HID1: variants seen among roughly 807,000 people sequenced by gnomAD.
The protein encoded by HID1 is protein HID1.
HID1 carries 42 observed loss-of-function variants against 89.7 expected under a neutral mutation model. That is an observed-to-expected ratio of 0.47 (90% CI 0.37 to 0.61). The LOEUF (loss-of-function observed/expected upper bound fraction) is 0.61. Ranked by LOEUF, HID1 falls within the 20% of genes least tolerant of loss-of-function variation. The pLI, the probability that HID1 is intolerant of heterozygous loss-of-function variation, is 0.00. For synonymous variants in HID1, 442 were observed against 433.8 expected (o/e 1.02, Z -0.24); for missense variants, 854 against 1,039.3 (o/e 0.82, Z 2.45).
At chr17:74,963,672 G>A in intron 3 of HID1, 68 bp downstream of exon 3, 3 of 1,443,202 alleles carry the variant, frequency 2.1e-6, no homozygotes, top group Non-Finnish European at 2.8e-6. Flanking sequence ...AGCATGGCCG[G>A]CCCTAAAGGG....
In HID1 at chr17:74,972,292, C is replaced by A. The variant is rs900931603; in HGVS notation, c.66+299G>T. ...AAGCTGGGGACGCCGCGGGGCGGGACAGGGGGCGGACAGCTGTGTCGCCGG... is the reference window on the plus strand; with the variant it reads ...AAGCTGGGGACGCCGCGGGGCGGGAAAGGGGGCGGACAGCTGTGTCGCCGG... On this transcript the variant is annotated intron_variant, in intron 1 of 18. Coordinates refer to ENST00000425042, the MANE Select transcript of HID1 (RefSeq NM_030630.3). This position sits in a 1 kb window ranked among gnomAD's most constrained non-coding sequence, Gnocchi z 6.4. 1.3e-5 allele frequency among the ~76,000 whole-genome samples: 2 copies of A among 151,506 alleles called. No individual in the cohort carries two copies. The highest frequency in any genetic ancestry group is 4.9e-5 in the African/African-American group (2 of 41,174).
intron 1 of HID1, among the ~76,000 whole-genome samples, chr17:74,968,685 G>A (rs954608112): frequency 6.6e-6 from 1 of 152,178 alleles, no homozygotes; most frequent in African/African-American, 2.4e-5. Context: ...GTGGCCTGGA[G>A]CCAGGATGGG....
chr17:74,962,209 G>A lies in HID1; in HGVS notation c.611+25C>T. The stretch of plus-strand genomic sequence containing the variant: ...CGGCCCGGGGTCCAGCTGCATTGAG[G>A]GCTCCGGGCCTGGGCGAAGCTCACC... On this transcript the variant is annotated intron_variant, in intron 5 of 18. Coordinates refer to ENST00000425042, the MANE Select transcript of HID1 (RefSeq NM_030630.3). This position sits in a 1 kb window ranked among gnomAD's most constrained non-coding sequence, Gnocchi z 4.3. 6.4e-7 allele frequency: 1 copy of A among 1,573,154 alleles called. No homozygotes were observed. The highest frequency in any genetic ancestry group is 8.7e-7 in the Non-Finnish European group (1 of 1,148,596).
chr17:74,951,894 C>T lies in HID1; in HGVS notation c.2303+11G>A. 2.0e-6 allele frequency: 3 copies of T among 1,507,148 alleles called. No homozygotes were observed. Among genetic ancestry groups the T allele is most frequent in the Non-Finnish European group, 2.7e-6 (3 of 1,124,970 alleles). The allele number at this position is 1,507,148 out of a possible 1,614,324, so 93.4% of individuals were successfully genotyped here. A position where few individuals can be genotyped will look rare whatever the true frequency, so the allele number is the denominator to read the frequency against. ...TCTCAGGTGGACACCACCCCACTCC[C>T]CGGGGCCCACCTCAGATAGATGACG... On this transcript the variant is annotated intron_variant, in intron 18 of 18. Coordinates refer to ENST00000425042, the MANE Select transcript of HID1 (RefSeq NM_030630.3).
chr17:74,955,187 G>T (rs923213875), intron 13 of HID1, among the ~76,000 whole-genome samples: 4 of 152,194 alleles, frequency 2.6e-5, no homozygotes, highest in Non-Finnish European at 5.9e-5. Context: ...CCGGATGTCT[G>T]TGACACTGGG....
intron 12 of HID1, among the ~76,000 whole-genome samples, chr17:74,957,451 T>A (rs941862526): frequency 2.0e-5 from 3 of 151,732 alleles, no homozygotes; most frequent in Non-Finnish European, 4.4e-5. Context: ...CACTCTAGCC[T>A]GAGCAACAGA....
chr17:74,959,027 T>C lies in HID1; in HGVS notation c.1033A>G (p.Ile345Val), dbSNP rs751491363. ...AGGGGGTTGGACAGCAGCCGGGCTA[T>C]ACCCTTGAGGATGAACTGGAAGTCC... ...EEDFQFILKG[I>V]ARLLSNPLLQ... The change falls in exon 9 of 19, where the codon ATA becomes GTA. Residue 345 changes from isoleucine (I) to valine (V), a missense_variant. Transcript: ENST00000425042. The surrounding 1 kb of genome is among the most constrained non-coding windows in gnomAD (Gnocchi z 4.6). 6.3e-7 allele frequency: 1 copy of C among 1,583,840 alleles called. No individual in the cohort carries two copies. The highest frequency in any genetic ancestry group is 1.2e-5 in the South Asian group (1 of 86,722).
chr17:74,953,174 T>C (rs1301318367), intron 15 of HID1, 88 bp from the exon 16 acceptor site: 3 of 1,137,090 alleles, frequency 2.6e-6, no homozygotes, highest in Non-Finnish European at 3.7e-6. Context: ...CACTGGCAGC[T>C]GGAAATCCCA....
At chr17:74,954,480 G>T in intron 13 of HID1, 115 bp from the exon 14 acceptor site, 1 of 1,524,458 alleles carries the variant, frequency 6.6e-7, no homozygotes, top group South Asian at 1.2e-5. Context: ...TCTGCCCAAG[G>T]GGTTGGAGAT....
At chr17:74,966,736 G>C (rs1479954251) in intron 1 of HID1, among the ~76,000 whole-genome samples, 1 of 151,748 alleles carries the variant, frequency 6.6e-6, no homozygotes, top group Non-Finnish European at 1.5e-5. Context: ...AATTGCTTGA[G>C]CCCAGGAGTT....
intron 6 of HID1, 114 bp from the exon 7 acceptor site, chr17:74,960,362 C>T (rs966422472): frequency 1.8e-5 from 16 of 873,416 alleles, no homozygotes; most frequent in Admixed American, 7.6e-5. Flanking sequence ...TTTAGCACCA[C>T]GTCAGGGAGT....
chr17:74,955,455 C>T (rs1011315051), intron 13 of HID1, among the ~76,000 whole-genome samples: 8 of 151,926 alleles, frequency 5.3e-5, no homozygotes, highest in African/African-American at 1.7e-4. Context: ...GAGCCAAGAT[C>T]GCGCCACTGC....
intron 6 of HID1, among the ~76,000 whole-genome samples, chr17:74,961,229 A>T (rs2039475035): frequency 1.3e-5 from 2 of 152,114 alleles, no homozygotes; most frequent in South Asian, 4.1e-4. Context: ...AGTTTGGGGT[A>T]TATTGGGTTA....
Position 74,958,661 on chromosome 17 carries a change from C to T in HID1, c.1240+12G>A, listed in dbSNP as rs2039431775. On this transcript the variant is annotated intron_variant, in intron 10 of 18. Coordinates refer to ENST00000425042, the MANE Select transcript of HID1 (RefSeq NM_030630.3). The surrounding 1 kb of genome is among the most constrained non-coding windows in gnomAD (Gnocchi z 5.2). ...GAAAGCCCCCAGCATCCCACCCCCA[C>T]CCTGGTCTTACACTGATCGGCCCGG... is the stretch of plus-strand genomic sequence containing the variant. 1.3e-6 allele frequency: 2 copies of T among 1,590,722 alleles called. No homozygotes were observed. Among genetic ancestry groups the T allele is most frequent in the Non-Finnish European group, 1.7e-6 (2 of 1,159,936 alleles).
chr17:74,960,302 G>C (rs2039460133), intron 6 of HID1, 54 bp from the exon 7 acceptor site: 2 of 1,483,300 alleles, frequency 1.3e-6, no homozygotes, highest in South Asian at 2.4e-5. Context: ...CCAGCCCCCT[G>C]GCCACACCTC....
Position 74,962,288 on chromosome 17 carries a change from G to C in HID1, c.557C>G (p.Ala186Gly), listed in dbSNP as rs576317687. 1 of 1,612,578 alleles carries C rather than the reference G, an allele frequency of 6.2e-7. No individual in the cohort carries two copies. Among genetic ancestry groups the C allele is most frequent in the Admixed American group, 1.7e-5 (1 of 59,946 alleles). ...SLDSCEYIWE[A>G]GVGFAHSPQP... Reference sequence around the variant, plus strand: ...GGGGGAGTGAGCGAAGCCCACACCAGCCTCCCAGATGTATTCACAGCTGTC... The same window carrying C: ...GGGGGAGTGAGCGAAGCCCACACCACCCTCCCAGATGTATTCACAGCTGTC... The change falls in exon 5 of 19, where the codon GCT (alanine) becomes GGT (glycine). Residue 186 changes from alanine (A) to glycine (G), a missense_variant. Coordinates refer to ENST00000425042, the MANE Select transcript of HID1 (RefSeq NM_030630.3). The surrounding 1 kb of genome is among the most constrained non-coding windows in gnomAD (Gnocchi z 4.3).
At chr17:74,963,260 C>G in intron 3 of HID1, 179 bp from the exon 4 acceptor site, 1 of 562,568 alleles carries the variant, frequency 1.8e-6, no homozygotes, top group Non-Finnish European at 3.2e-6. Flanking sequence ...AAGTGGGGCA[C>G]AGCAGGGAGC....
chr17:74,971,194 A>G (rs1379327006), intron 1 of HID1, among the ~76,000 whole-genome samples: 1 of 152,140 alleles, frequency 6.6e-6, no homozygotes, highest in Non-Finnish European at 1.5e-5. Flanking sequence ...TCCTCCAACA[A>G]GGAGTTTCTT....
At chr17:74,966,415 T>C (rs1261731488) in intron 1 of HID1, among the ~76,000 whole-genome samples, 3 of 152,134 alleles carry the variant, frequency 2.0e-5, no homozygotes, top group East Asian at 1.9e-4. Context: ...TTTTTCCTTT[T>C]GAATGTTCAT....
Sources: allele counts gnomAD v4.1 joint callset (sites outside exome capture counted in the v4.1 genomes callset), GRCh38; gene constraint gnomAD v4.1.1; non-coding constraint Gnocchi (gnomAD v3.1); transcripts MANE v1.5; gene names NCBI Gene and HGNC (gene_info 2026-07-23, HGNC 2026-07-21).